The following JAK1 variants were observed in gnomAD, a reference collection of about 807,000 sequenced individuals.
JAK1 encodes the protein Janus kinase 1, also known as tyrosine-protein kinase JAK1.
A neutral mutation model predicts 136.6 loss-of-function variants in JAK1; 16 were observed. That is an observed-to-expected ratio of 0.12 (90% CI 0.08 to 0.18). The LOEUF (loss-of-function observed/expected upper bound fraction) is 0.18, where lower values mean the gene tolerates loss of function less well. Ranked by LOEUF, JAK1 falls within the 10% of genes least tolerant of loss-of-function variation. The pLI is 1.00. For missense variants in JAK1, 859 were observed against 1,450.1 expected (o/e 0.59, Z 6.62); for synonymous variants, 492 against 519.5 (o/e 0.95, Z 0.72).
intron 1 of JAK1, among the ~76,000 whole-genome samples, chr1:64,909,005 C>T (rs186730538): frequency 1.3e-5 from 2 of 150,506 alleles, no homozygotes; most frequent in African/African-American, 4.8e-5. Context: ...AATGAATGAA[C>T]GAACGAACGA....
At chr1:64,943,066 A>G (rs926291571) in intron 1 of JAK1, among the ~76,000 whole-genome samples, 3 of 152,142 alleles carry the variant, frequency 2.0e-5, no homozygotes, top group African/African-American at 7.2e-5. Context: ...ATGGGAAATA[A>G]CTCAAAAGTC....
At chr1:64,935,365 T>G (rs1266266854) in intron 1 of JAK1, among the ~76,000 whole-genome samples, 2 of 152,210 alleles carry the variant, frequency 1.3e-5, no homozygotes, top group Non-Finnish European at 2.9e-5. Context: ...AATGGCGTGA[T>G]CAGGGCTCAC....
chr1:64,836,063 T>A, intron 23 of JAK1, 35 bp downstream of exon 23: 1 of 1,143,416 alleles, frequency 8.7e-7, no homozygotes, highest in African/African-American at 1.5e-5. Flanking sequence ...TTTAAATGGG[T>A]ACTGGATTCA....
At chr1:64,904,736 C>T (rs1645164354) in intron 1 of JAK1, among the ~76,000 whole-genome samples, 2 of 112,238 alleles carry the variant, frequency 1.8e-5, no homozygotes, top group Non-Finnish European at 4.8e-5. Flanking sequence ...ACATTCCCCA[C>T]ACACATATAT....
rs762291235 is a variant in JAK1 at position 64,857,635 on chromosome 1, C to T, written c.1458+21G>A. 5.0e-6 allele frequency: 8 copies of T among 1,613,378 alleles called. No individual in the cohort carries two copies. The South Asian group carries it at 8.8e-5, about 18-fold the overall frequency. On this transcript the variant is annotated intron_variant, in intron 10 of 24. Coordinates refer to ENST00000342505, the MANE Select transcript of JAK1 (RefSeq NM_002227.4). Reference sequence around the variant, plus strand: ...CACCTCATGGCTGTATGGCCTGGTCCAAGCCAGTGTCCTGACTGACCTCAG... The same window carrying T: ...CACCTCATGGCTGTATGGCCTGGTCTAAGCCAGTGTCCTGACTGACCTCAG...
At chr1:65,051,617 A>C (rs540007971) in intron 1 of JAK1, among the ~76,000 whole-genome samples, 23 of 152,268 alleles carry the variant, frequency 1.5e-4, no homozygotes, top group African/African-American at 5.1e-4. Context: ...TGGTTCGAAG[A>C]TACTCATTTT....
chr1:64,846,034 C>G (rs1405989533), intron 14 of JAK1, among the ~76,000 whole-genome samples: 4 of 152,242 alleles, frequency 2.6e-5, no homozygotes, highest in Admixed American at 2.0e-4. Context: ...GGCAAAACTT[C>G]CCTCTCAACA....
chr1:64,949,090 A>G (rs1042215775), intron 1 of JAK1, among the ~76,000 whole-genome samples: 1 of 152,212 alleles, frequency 6.6e-6, no homozygotes, highest in Non-Finnish European at 1.5e-5. Flanking sequence ...TACCATGCTA[A>G]GGAGTTTGGA....
chr1:65,047,043 G>A (rs1322088634), intron 1 of JAK1, among the ~76,000 whole-genome samples: 1 of 151,538 alleles, frequency 6.6e-6, no homozygotes, highest in African/African-American at 2.4e-5. Flanking sequence ...AAAAAAAATA[G>A]CTAGGCATCT....
At position 64,845,620 on chromosome 1, in the gene JAK1, C is replaced by T. The variant is rs895867982; in HGVS notation, c.2008G>A (p.Val670Met). Residue 670 changes from valine (V) to methionine (M), a missense_variant, in exon 15 of 25, where the codon GTG (valine) becomes ATG (methionine). Physicochemically the swap from Val to Met is conservative, Grantham distance 21 (BLOSUM62 1). Around this residue, in one of 4 missense-constraint regions of JAK1, gnomAD observed 409 missense variants for 753.8 expected, o/e 0.54. Transcript: ENST00000342505. ...DVENIMVEEF[V>M]EGGPLDLFMH... ...AAGAGATCCAGAGGACCCCCTTCCACAAACTCTTCCACCATGATATCTGTA... is the reference window on the plus strand; with the variant it reads ...AAGAGATCCAGAGGACCCCCTTCCATAAACTCTTCCACCATGATATCTGTA... 4.3e-6 allele frequency: 7 copies of T among 1,614,198 alleles called. No homozygotes were observed. The highest frequency in any genetic ancestry group is 5.9e-6 in the Non-Finnish European group (7 of 1,180,030).
chr1:64,917,095 C>G (rs1052594325), intron 1 of JAK1, among the ~76,000 whole-genome samples: 4 of 151,994 alleles, frequency 2.6e-5, no homozygotes, highest in African/African-American at 9.7e-5. Context: ...TTGGGGCATT[C>G]CTGGGAAATT....
intron 8 of JAK1, among the ~76,000 whole-genome samples, 153 bp from the exon 9 acceptor site, chr1:64,860,415 CATGCATTT>C (rs57037309): frequency 0.16 from 20,763 of 128,314 alleles, 1,769 homozygotes; most frequent in Admixed American, 0.24. Context: ...ATACCCCTTG[CATGCATTT>C]ATTTATTTAT....
chr1:65,010,535 C>G (rs1243340271), intron 2 of JAK1, among the ~76,000 whole-genome samples: 1 of 152,240 alleles, frequency 6.6e-6, no homozygotes, highest in Admixed American at 6.5e-5. Context: ...TGCAGCCCAG[C>G]TTTCCTCTGG....
chr1:65,044,302 C>G (rs1292442711), intron 2 of JAK1, among the ~76,000 whole-genome samples: 1 of 152,166 alleles, frequency 6.6e-6, no homozygotes, highest in Non-Finnish European at 1.5e-5. Context: ...ATGGTTGTTT[C>G]TGCTTTTTGG....
chr1:65,038,180 C>T (rs1005959921), intron 2 of JAK1, among the ~76,000 whole-genome samples: 2 of 147,706 alleles, frequency 1.4e-5, no homozygotes, highest in Non-Finnish European at 3.0e-5. Flanking sequence ...TTTTGAAATT[C>T]TTTTTCTTTT....
At chr1:65,031,341 C>T (rs1387888963) in intron 2 of JAK1, among the ~76,000 whole-genome samples, 4 of 152,090 alleles carry the variant, frequency 2.6e-5, no homozygotes, top group African/African-American at 7.2e-5. Context: ...AAATATACAA[C>T]CTGAATGTGA....
chr1:64,839,817 C>T lies in JAK1; in HGVS notation c.2650-22G>A, dbSNP rs771526524. 3.2e-6 allele frequency: 5 copies of T among 1,585,046 alleles called. No individual in the cohort carries two copies. In the South Asian group the frequency reaches 5.7e-5, roughly 18 times the overall value. ...GGCCCTGGAGGGAAAGATGCATGTGCTGTTATCAGGGAAGCCCCATCGTAG... is the reference window on the plus strand; with the variant it reads ...GGCCCTGGAGGGAAAGATGCATGTGTTGTTATCAGGGAAGCCCCATCGTAG... On this transcript the variant is annotated intron_variant, in intron 19 of 24. Coordinates refer to ENST00000342505, the MANE Select transcript of JAK1 (RefSeq NM_002227.4).
At chr1:65,043,660 A>G (rs1362193177) in intron 2 of JAK1, among the ~76,000 whole-genome samples, 1 of 148,512 alleles carries the variant, frequency 6.7e-6, no homozygotes, top group Non-Finnish European at 1.5e-5. Context: ...CAGCCTCCTG[A>G]GTAGCTGGGA....
upstream of JAK1, among the ~76,000 whole-genome samples, chr1:64,967,755 A>G (rs1216544311): frequency 2.6e-5 from 4 of 152,178 alleles, no homozygotes; most frequent in Non-Finnish European, 5.9e-5. Context: ...TAGTTGACTC[A>G]ATTCTCAGTG....
Sources: allele counts gnomAD v4.1 joint callset (sites outside exome capture counted in the v4.1 genomes callset), GRCh38; gene constraint gnomAD v4.1.1; regional missense constraint gnomAD v4.1.1; transcripts MANE v1.5; gene names NCBI Gene and HGNC (gene_info 2026-07-23, HGNC 2026-07-21).